The following PLEC variants were observed in gnomAD, a reference collection of about 807,000 sequenced individuals.
PLEC encodes hemidesmosomal protein 1.
PLEC carries 216 observed loss-of-function variants against 392.8 expected under a neutral mutation model. That is an observed-to-expected ratio of 0.55 (90% CI 0.49 to 0.62). The LOEUF is 0.62. Among genes scored for constraint, PLEC ranks in the 20% least tolerant of loss-of-function variants. PLEC has a pLI of 0.00. For synonymous variants in PLEC, 3,621 were observed against 2,980.6 expected (o/e 1.21, Z -7.00); for missense variants, 6,863 against 6,563.4 (o/e 1.05, Z -1.58).
Position 143,929,230 on chromosome 8 carries a change from CAG to C in PLEC, c.3131_3132del (p.Ser1044CysfsTer108). 6.2e-7 allele frequency: 1 copy of C among 1,602,892 alleles called. No individual in the cohort carries two copies. Among genetic ancestry groups the C allele is most frequent in the Non-Finnish European group, 8.5e-7 (1 of 1,179,118 alleles). ...EGLGKGVARL[S>X]AEAEKVLALP... ...AGGGCCAAGACCTTCTCGGCCTCGG[CAG>C]AGAGCCGGGCGACCCCCTTGCCCAG... On this transcript the variant is annotated frameshift_variant, in exon 25 of 32. Coordinates refer to ENST00000345136, the MANE Select transcript of PLEC (RefSeq NM_201384.3). LOFTEE classifies it high-confidence loss of function.
intron 1 of PLEC, among the ~76,000 whole-genome samples, chr8:143,967,421 G>A (rs946744254): frequency 8.6e-5 from 13 of 151,138 alleles, no homozygotes; most frequent in Non-Finnish European, 1.6e-4. Flanking sequence ...AAATAGATGC[G>A]TGGTGTGAGA....
rs576165288 is a variant in PLEC at position 143,920,115 on chromosome 8, T to G, written c.9706A>C (p.Lys3236Gln). 1 of 1,613,054 alleles carries G rather than the reference T, an allele frequency of 6.2e-7. No homozygotes were observed. The highest frequency in any genetic ancestry group is 8.5e-7 in the Non-Finnish European group (1 of 1,180,038). ...CCCACGGGGACCTCAACCGGGGTCT[T>G]TTCAAAGGTCTCACGGGCCTGCAGC... Reference protein sequence around the residue: ...SELQARETFEKTPVEVPVGGF... With the variant: ...SELQARETFEQTPVEVPVGGF... The change falls in exon 32 of 32, where the codon AAG becomes CAG. Residue 3236 changes from lysine (K) to glutamine (Q), a missense_variant. By Grantham distance (53) the Lys-to-Gln change is moderately conservative. Transcript: ENST00000345136.
chr8:143,920,021 C>A lies in PLEC; in HGVS notation c.9800G>T (p.Arg3267Leu). 6.2e-7 allele frequency: 1 copy of A among 1,613,330 alleles called. No homozygotes were observed. The highest frequency in any genetic ancestry group is 8.5e-7 in the Non-Finnish European group (1 of 1,180,032). Residue 3267 changes from arginine to leucine, a missense_variant, in exon 32 of 32, where the codon CGG (arginine) becomes CTG (leucine). Coordinates refer to ENST00000345136, the MANE Select transcript of PLEC (RefSeq NM_201384.3). ...ISSEYFTAEQ[R>L]QELLRQFRTG... ...GCGGAACTGACGCAACAGCTCCTGC[C>A]GCTGCTCCGCAGTGAAGTACTCAGA...
Position 143,918,085 on chromosome 8 carries a change from C to A in PLEC, c.11736G>T (p.Arg3912=). ...VMDEATALQL[R]EGLTSIEEVT... is the part of the protein sequence containing the mutation. ...CCTCCTCGATGGAGGTCAGGCCCTC[C>A]CGCAGCTGCAGCGCCGTGGCCTCGT... Residue 3912 remains arginine (R), a synonymous_variant, in exon 32 of 32, where the codon CGG becomes CGT. Transcript: ENST00000345136. 6.3e-7 allele frequency: 1 copy of A among 1,597,080 alleles called. No individual in the cohort carries two copies.
Position 143,934,870 on chromosome 8 carries a change from C to T in PLEC, c.885G>A (p.Met295Ile), listed in dbSNP as rs201041690. The change falls in exon 9 of 32, where the codon ATG becomes ATA. Residue 295 changes from methionine (M) to isoleucine (I), a missense_variant. Physicochemically the swap from Met to Ile is conservative, Grantham distance 10. Transcript: ENST00000345136. ...RELVLLLLQW[M>I]RHHTAAFEER... is the part of the protein sequence containing the mutation. ...CCTCAAAGGCGGCCGTGTGGTGTCG[C>T]ATCCACTGAAGCAGCAGCAGCACCA... is the stretch of plus-strand genomic sequence containing the variant. 336 of 1,611,496 alleles carry T rather than the reference C, an allele frequency of 2.1e-4. No individual in the cohort carries two copies. Among genetic ancestry groups the T allele is most frequent in the Non-Finnish European group, 2.8e-4 (326 of 1,179,816 alleles).
chr8:143,938,541 T>C lies in PLEC; in HGVS notation c.174+90A>G, dbSNP rs563430828. ...ATGAAAGGTGAGCACACAGGCAGCATGGGGACAGCCTTGGGCGGCAGGGGC... is the reference window on the plus strand; with the variant it reads ...ATGAAAGGTGAGCACACAGGCAGCACGGGGACAGCCTTGGGCGGCAGGGGC... On this transcript the variant is annotated intron_variant, in intron 2 of 31. Coordinates refer to ENST00000345136, the MANE Select transcript of PLEC (RefSeq NM_201384.3). 5.2e-5 allele frequency: 80 copies of C among 1,545,802 alleles called. 2 individuals are homozygous for C. The South Asian group carries it at 7.2e-4, about 14-fold the overall frequency.
chr8:143,972,178 G>A (rs1833461642), intron 1 of PLEC, among the ~76,000 whole-genome samples: 1 of 152,194 alleles, frequency 6.6e-6, no homozygotes, highest in Non-Finnish European at 1.5e-5. Flanking sequence ...CTTGCCAGGA[G>A]GGCTGGAGCC....
At position 143,921,763 on chromosome 8, in the gene PLEC, T is replaced by G. The variant is rs1554686993; in HGVS notation, c.8058A>C (p.Glu2686Asp). ...HTTVDELARR[E>D]DVRHYLQGRS... ...GGCCCTGCAGGTAGTGGCGCACGTC[T>G]TCCCGCCGTGCGAGCTCGTCCACCG... The change falls in exon 32 of 32, where the codon GAA (glutamate) becomes GAC (aspartate). Residue 2686 changes from glutamate (E) to aspartate (D), a missense_variant. By Grantham distance (45) the Glu-to-Asp change is conservative (BLOSUM62 2). Coordinates refer to ENST00000345136, the MANE Select transcript of PLEC (RefSeq NM_201384.3). The G allele has an allele frequency of 6.2e-7, 1 of 1,612,192 alleles. No homozygotes were observed. Among genetic ancestry groups the G allele is most frequent in the South Asian group, 1.1e-5 (1 of 91,084 alleles).
chr8:143,956,239 C>T (rs568627093), upstream of PLEC, among the ~76,000 whole-genome samples: 3 of 152,166 alleles, frequency 2.0e-5, no homozygotes, highest in Admixed American at 6.6e-5. Flanking sequence ...TAAGCCACCA[C>T]GCCCGGCCAG....
intron 5 of PLEC, 93 bp from the exon 6 acceptor site, chr8:143,936,107 G>A: frequency 7.0e-7 from 1 of 1,436,632 alleles, no homozygotes. Flanking sequence ...GGGTAGCTCA[G>A]CACCCAGGGG....
At position 143,919,901 on chromosome 8, in the gene PLEC, C is replaced by A; in HGVS notation, c.9920G>T (p.Gly3307Val). ...TLRQERLSFSGLRAPVPASEL... is the reference protein window; with the variant it reads ...TLRQERLSFSVLRAPVPASEL... ...GCTGGCTGGCACAGGGGCACGGAGGCCGCTGAAGGACAGCCTCTCCTGCCG... is the reference window on the plus strand; with the variant it reads ...GCTGGCTGGCACAGGGGCACGGAGGACGCTGAAGGACAGCCTCTCCTGCCG... Residue 3307 changes from glycine to valine, a missense_variant, in exon 32 of 32, where the codon GGC becomes GTC. Transcript: ENST00000345136. The A allele has an allele frequency of 6.2e-7, 1 of 1,613,108 alleles. No individual in the cohort carries two copies. Among genetic ancestry groups the A allele is most frequent in the South Asian group, 1.1e-5 (1 of 91,088 alleles).
Position 143,929,280 on chromosome 8 carries a change from T to C in PLEC, c.3083A>G (p.Lys1028Arg). The change falls in exon 25 of 32, where the codon AAG (lysine) becomes AGG (arginine). Residue 1028 changes from lysine (K) to arginine (R), a missense_variant and splice_region_variant. Lys to Arg is a conservative substitution (Grantham distance 26, BLOSUM62 2). Coordinates refer to ENST00000345136, the MANE Select transcript of PLEC (RefSeq NM_201384.3). ...CAGCCCCTCCACCTCTGCCTGTGCC[T>C]TCTGCAAAGACAGGGAGTGGGAACG... is the stretch of plus-strand genomic sequence containing the variant. ...ECAQRIAEQQ[K>R]AQAEVEGLGK... The C allele has an allele frequency of 6.2e-7, 1 of 1,600,362 alleles. No individual in the cohort carries two copies. The highest frequency in any genetic ancestry group is 8.5e-7 in the Non-Finnish European group (1 of 1,179,566).
chr8:143,967,267 G>T (rs1554742557), intron 1 of PLEC, among the ~76,000 whole-genome samples: 1 of 149,782 alleles, frequency 6.7e-6, no homozygotes, highest in Non-Finnish European at 1.5e-5. Context: ...GGAGCCTGAG[G>T]CAGGAGAATG....
chr8:143,972,026 T>C (rs1833454207), intron 1 of PLEC, among the ~76,000 whole-genome samples: 1 of 152,124 alleles, frequency 6.6e-6, no homozygotes, highest in Admixed American at 6.5e-5. Flanking sequence ...CAGGAAAGCC[T>C]CAGCACAATG....
In PLEC at chr8:143,922,301, C is replaced by T. The variant is rs782232833; in HGVS notation, c.7520G>A (p.Arg2507His). The change falls in exon 32 of 32, where the codon CGC becomes CAC. Residue 2507 changes from arginine to histidine, a missense_variant. Physicochemically the swap from Arg to His is conservative, Grantham distance 29. Transcript: ENST00000345136. The stretch of plus-strand genomic sequence containing the variant: ...CTTGGCCTTCTCCTGCTCGATGAAG[C>T]GCTCCCGCTGTAGCAGGCTGTCCTT... ...SEKDSLLQRE[R>H]FIEQEKAKLE... The T allele has an allele frequency of 1.9e-5, 31 of 1,607,380 alleles. No homozygotes were observed. The highest frequency in any genetic ancestry group is 8.8e-5 in the South Asian group (8 of 90,976).
chr8:143,934,959 G>A (rs1554721646), intron 8 of PLEC, 30 bp from the exon 9 acceptor site: 2 of 1,610,528 alleles, frequency 1.2e-6, no homozygotes, highest in East Asian at 4.5e-5. Flanking sequence ...GCTGTCAGGG[G>A]TCGTCGGGGC....
At chr8:143,964,088 A>C (rs1832981460) in intron 1 of PLEC, among the ~76,000 whole-genome samples, 1 of 152,166 alleles carries the variant, frequency 6.6e-6, no homozygotes, top group Non-Finnish European at 1.5e-5. Flanking sequence ...TACAGGCGTG[A>C]GCCACTGTGC....
Position 143,919,110 on chromosome 8 carries a change from G to A in PLEC, c.10711C>T (p.Gln3571Ter), listed in dbSNP as rs1821609366. Residue 3571 changes from glutamine to a stop codon, truncating the protein, a stop_gained, in exon 32 of 32, where the codon CAG becomes TAG. Coordinates refer to ENST00000345136, the MANE Select transcript of PLEC (RefSeq NM_201384.3). LOFTEE classifies it high-confidence loss of function. ...EETRRAFEET[Q>*]IDIPGGGSHG... ...CTGCCGCCGCCGGGAATGTCGATCT[G>A]TGTCTCTTCAAATGCCCTTCTTGTC... The A allele has an allele frequency of 6.2e-7, 1 of 1,612,772 alleles. No individual in the cohort carries two copies. Among genetic ancestry groups the A allele is most frequent in the Non-Finnish European group, 8.5e-7 (1 of 1,180,022 alleles).
chr8:143,958,590 C>A, upstream of PLEC: 1 of 423,680 alleles, frequency 2.4e-6, no homozygotes, highest in Non-Finnish European at 4.9e-6. This position sits in a 1 kb window ranked among gnomAD's most constrained non-coding sequence, Gnocchi z 4.9. Context: ...CTCGTTGCCC[C>A]TCACCTCCAA....
Sources: gnomAD v4.1 joint callset for allele counts (sites outside exome capture counted in the v4.1 genomes callset) on GRCh38, gnomAD v4.1.1 for gene constraint, Gnocchi (gnomAD v3.1) non-coding constraint, MANE v1.5 for transcripts, NCBI Gene and HGNC (gene_info 2026-07-23, HGNC 2026-07-21) for gene names.